The following SIPA1L1 variants were observed in gnomAD, a reference collection of about 807,000 sequenced individuals.
SIPA1L1 encodes the protein signal induced proliferation associated 1 like 1.
In SIPA1L1, 26 loss-of-function variants were observed where a neutral mutation model predicts 162.7. The observed-to-expected ratio is 0.16, with a 90% CI of 0.12 to 0.22. SIPA1L1 has a LOEUF of 0.22. SIPA1L1 is among the 10% of genes least tolerant of loss of function. SIPA1L1 has a pLI of 1.00. For missense variants in SIPA1L1, 1,874 were observed against 2,241.0 expected (o/e 0.84, Z 3.31); for synonymous variants, 829 against 837.4 (o/e 0.99, Z 0.17).
chr14:71,591,056 G>A lies in SIPA1L1; in HGVS notation c.1498+1686G>A, dbSNP rs528664486. Among the ~76,000 whole-genome samples, 374 of 152,210 alleles carry A rather than the reference G, an allele frequency of 2.5e-3. 5 individuals are homozygous for A. Among genetic ancestry groups the A allele is most frequent in the Non-Finnish European group, 4.0e-3 (275 of 68,016 alleles). On this transcript the variant is annotated intron_variant, in intron 5 of 23. Coordinates refer to ENST00000381232, the MANE Select transcript of SIPA1L1 (RefSeq NM_001386936.1). ...GCAGGTGTGTCTGAGCTGTCGATAGGTGGAGGCAAAATGGCCTCCACCCAA... is the reference window on the plus strand; with the variant it reads ...GCAGGTGTGTCTGAGCTGTCGATAGATGGAGGCAAAATGGCCTCCACCCAA...
At chr14:71,634,403 A>G (rs1187728059) in intron 7 of SIPA1L1, among the ~76,000 whole-genome samples, 1 of 111,470 alleles carries the variant, frequency 9.0e-6, no homozygotes, top group African/African-American at 2.8e-5. Context: ...ACTCCATTTC[A>G]AAAAAAAAAA....
intron 2 of SIPA1L1, among the ~76,000 whole-genome samples, chr14:71,381,294 C>T (rs546367533): frequency 1.1e-4 from 16 of 152,160 alleles, no homozygotes; most frequent in African/African-American, 3.9e-4. Flanking sequence ...CCTCGTGATC[C>T]GCCCTCCTTG....
At chr14:71,632,717 A>C (rs2040706270) in intron 7 of SIPA1L1, among the ~76,000 whole-genome samples, 1 of 152,172 alleles carries the variant, frequency 6.6e-6, no homozygotes, top group Non-Finnish European at 1.5e-5. Flanking sequence ...GCCTGATACC[A>C]ACCAGGGCAG....
At chr14:71,551,322 G>T (rs982994005) in intron 4 of SIPA1L1, among the ~76,000 whole-genome samples, 2 of 152,104 alleles carry the variant, frequency 1.3e-5, no homozygotes, top group Non-Finnish European at 2.9e-5. Context: ...CACATTCTAG[G>T]AAACCTCTTC....
At chr14:71,476,853 A>ATG (rs981508916) in intron 2 of SIPA1L1, among the ~76,000 whole-genome samples, 1 of 150,042 alleles carries the variant, frequency 6.7e-6, no homozygotes, top group East Asian at 1.9e-4. Flanking sequence ...AATTTTTTGT[A>ATG]TTTTTTTTTA....
intron 7 of SIPA1L1, among the ~76,000 whole-genome samples, chr14:71,630,022 A>G (rs781219863): frequency 3.9e-5 from 6 of 152,232 alleles, no homozygotes; most frequent in Non-Finnish European, 7.3e-5. Context: ...TCAGGCAGCT[A>G]GTTTTGAAAA....
At chr14:71,522,899 G>T (rs1279155124) in intron 3 of SIPA1L1, among the ~76,000 whole-genome samples, 1 of 152,010 alleles carries the variant, frequency 6.6e-6, no homozygotes, top group Non-Finnish European at 1.5e-5. Flanking sequence ...CACCATGTTG[G>T]CCAGGCTAGG....
At chr14:71,558,124 C>T (rs192042825) in intron 4 of SIPA1L1, among the ~76,000 whole-genome samples, 228 of 152,268 alleles carry the variant, frequency 1.5e-3, no homozygotes, top group Non-Finnish European at 2.8e-3. Context: ...TGTTTATTGT[C>T]TGTCTCTCAA....
intron 12 of SIPA1L1, among the ~76,000 whole-genome samples, chr14:71,675,943 A>G (rs1359375703): frequency 6.6e-6 from 1 of 152,076 alleles, no homozygotes; most frequent in Non-Finnish European, 1.5e-5. Context: ...AGCTTTTAAA[A>G]TATATATAAT....
chr14:71,337,312 C>T (rs931320472), intron 2 of SIPA1L1, among the ~76,000 whole-genome samples: 8 of 152,086 alleles, frequency 5.3e-5, no homozygotes, highest in African/African-American at 9.7e-5. Context: ...AGGCCAGGTG[C>T]GGTGGTTCAC....
intron 4 of SIPA1L1, among the ~76,000 whole-genome samples, chr14:71,540,938 C>T (rs2054324398): frequency 6.6e-6 from 1 of 151,712 alleles, no homozygotes; most frequent in African/African-American, 2.4e-5. Context: ...ACCAGCCTGG[C>T]CAACATGGTG....
At chr14:71,439,985 G>A (rs2044703700) in intron 2 of SIPA1L1, among the ~76,000 whole-genome samples, 1 of 152,144 alleles carries the variant, frequency 6.6e-6, no homozygotes, top group Non-Finnish European at 1.5e-5. Flanking sequence ...ATTGGAAGAA[G>A]AGGTCAGTCA....
At chr14:71,516,531 C>T (rs1281230147) in intron 3 of SIPA1L1, among the ~76,000 whole-genome samples, 1 of 152,148 alleles carries the variant, frequency 6.6e-6, no homozygotes, top group African/African-American at 2.4e-5. Context: ...GGACTACTGG[C>T]ATGTGTCACC....
At position 71,671,457 on chromosome 14, in the gene SIPA1L1, C is replaced by T; in HGVS notation, c.2594C>T (p.Ala865Val). The stretch of plus-strand genomic sequence containing the variant: ...GGGGCCATTGTATGGGCAGTCCGGG[C>T]TGAAGACTACAACAAGGCCATGGAA... ...SMGAIVWAVR[A>V]EDYNKAMELD... The change falls in exon 11 of 24, where the codon GCT becomes GTT. Residue 865 changes from alanine (A) to valine (V), a missense_variant. Physicochemically the swap from Ala to Val is moderately conservative, Grantham distance 64. Around this residue, in one of 5 missense-constraint regions of SIPA1L1, gnomAD observed 243 missense variants for 315.0 expected, o/e 0.77. Coordinates refer to ENST00000381232, the MANE Select transcript of SIPA1L1 (RefSeq NM_001386936.1). 1 of 1,614,132 alleles carries T rather than the reference C, an allele frequency of 6.2e-7. No individual in the cohort carries two copies. Among genetic ancestry groups the T allele is most frequent in the Non-Finnish European group, 8.5e-7 (1 of 1,180,012 alleles).
chr14:71,519,124 A>C lies in SIPA1L1; in HGVS notation c.-362+6279A>C, dbSNP rs551202272. 1.3e-3 allele frequency among the ~76,000 whole-genome samples: 199 copies of C among 151,870 alleles called. 1 individual carries two copies. The highest frequency in any genetic ancestry group is 4.5e-3 in the African/African-American group (186 of 41,460). ...GGACACAGTCAAACCATATCACCCC[A>C]TCCCTACAAAAAACTAGAAATATTA... On this transcript the variant is annotated intron_variant, in intron 3 of 23. Transcript: ENST00000381232.
intron 2 of SIPA1L1, among the ~76,000 whole-genome samples, chr14:71,346,625 G>T (rs1356093945): frequency 6.6e-6 from 1 of 152,192 alleles, no homozygotes; most frequent in Non-Finnish European, 1.5e-5. Flanking sequence ...CAAAAGCGGG[G>T]ATGGCTTCTA....
At chr14:71,419,433 G>A (rs895184393) in intron 2 of SIPA1L1, among the ~76,000 whole-genome samples, 1 of 149,634 alleles carries the variant, frequency 6.7e-6, no homozygotes, top group Non-Finnish European at 1.5e-5. Flanking sequence ...AGGGGTGATG[G>A]CCCACACCTG....
intron 15 of SIPA1L1, among the ~76,000 whole-genome samples, chr14:71,704,469 G>A (rs569672663): frequency 1.1e-3 from 164 of 152,296 alleles, no homozygotes; most frequent in African/African-American, 3.8e-3. Flanking sequence ...CTTTATGGCT[G>A]TTCACTTTTC....
intron 3 of SIPA1L1, among the ~76,000 whole-genome samples, chr14:71,517,721 G>A (rs1292201101): frequency 6.6e-6 from 1 of 152,124 alleles, no homozygotes; most frequent in Non-Finnish European, 1.5e-5. Flanking sequence ...AGTCAAGCTA[G>A]TAGTGTGAAA....
Sources: gnomAD v4.1 joint callset for allele counts (sites outside exome capture counted in the v4.1 genomes callset) on GRCh38, gnomAD v4.1.1 for gene constraint, gnomAD v4.1.1 regional missense constraint, MANE v1.5 for transcripts, NCBI Gene and HGNC (gene_info 2026-07-23, HGNC 2026-07-21) for gene names.